The following DLG2 variants were observed in gnomAD, a reference collection of about 807,000 sequenced individuals.
The protein encoded by DLG2 is disks large homolog 2.
A neutral mutation model predicts 132.5 loss-of-function variants in DLG2; 45 were observed. The observed-to-expected ratio is 0.34, with a 90% CI of 0.27 to 0.44. The LOEUF (loss-of-function observed/expected upper bound fraction) is 0.44, where lower values mean the gene tolerates loss of function less well. DLG2 is among the 20% of genes least tolerant of loss of function. DLG2 has a pLI of 1.00. For missense variants in DLG2, 1,045 were observed against 1,196.9 expected (o/e 0.87, Z 1.87); for synonymous variants, 424 against 419.6 (o/e 1.01, Z -0.13).
intron 14 of DLG2, among the ~76,000 whole-genome samples, chr11:83,945,991 CTCT>C (rs375226186): frequency 0.075 from 8,678 of 115,820 alleles, 226 homozygotes; most frequent in Non-Finnish European, 0.1. Context: ...TTCTCTCTCT[CTCT>C]TTTTTTTTTT....
chr11:85,604,664 AG>A (rs752429997), intron 2 of DLG2, among the ~76,000 whole-genome samples: 2 of 151,974 alleles, frequency 1.3e-5, no homozygotes, highest in Non-Finnish European at 2.9e-5. Flanking sequence ...GGATTACTTG[AG>A]GGCAGGCACA....
At chr11:83,544,953 G>A (rs1189845903) in intron 19 of DLG2, among the ~76,000 whole-genome samples, 1 of 152,124 alleles carries the variant, frequency 6.6e-6, no homozygotes, top group African/African-American at 2.4e-5. Context: ...CTTCCCTTCA[G>A]GGCTGACAAC....
intron 3 of DLG2, among the ~76,000 whole-genome samples, chr11:85,370,667 C>A (rs1302964477): frequency 1.3e-5 from 2 of 152,126 alleles, no homozygotes; most frequent in African/African-American, 4.8e-5. Context: ...GTATTTTACA[C>A]CTCAAACATT....
At chr11:84,746,080 A>G (rs1597177140) in intron 6 of DLG2, among the ~76,000 whole-genome samples, 1 of 152,130 alleles carries the variant, frequency 6.6e-6, no homozygotes, top group East Asian at 1.9e-4. Context: ...TTCTACTCTC[A>G]GGGAGCTTAG....
intron 19 of DLG2, among the ~76,000 whole-genome samples, chr11:83,574,032 T>C (rs1437703419): frequency 6.6e-6 from 1 of 152,130 alleles, no homozygotes; most frequent in Non-Finnish European, 1.5e-5. Flanking sequence ...TGGGGTAATA[T>C]ATAAAAGCAT....
At chr11:83,885,038 G>A (rs61900052) in intron 15 of DLG2, among the ~76,000 whole-genome samples, 13,391 of 152,232 alleles carry the variant, frequency 0.088, 781 homozygotes, top group Middle Eastern at 0.19. Context: ...AAAGCAGAGC[G>A]CCTCTCCTCC....
intron 18 of DLG2, among the ~76,000 whole-genome samples, chr11:83,661,851 A>G (rs1242109024): frequency 6.6e-6 from 1 of 152,224 alleles, no homozygotes; most frequent in Non-Finnish European, 1.5e-5. Flanking sequence ...TATGAAGGTG[A>G]CTGACAAAGC....
chr11:85,481,279 G>C (rs1473894688), intron 3 of DLG2, among the ~76,000 whole-genome samples: 1 of 152,182 alleles, frequency 6.6e-6, no homozygotes, highest in Admixed American at 6.5e-5. Flanking sequence ...AAGTGTTATT[G>C]AGTATCAGCA....
intron 7 of DLG2, among the ~76,000 whole-genome samples, chr11:84,361,015 T>C (rs2098646749): frequency 6.6e-6 from 1 of 151,668 alleles, no homozygotes. Flanking sequence ...CAGATTAAGA[T>C]GCTGCAAAAG....
intron 7 of DLG2, among the ~76,000 whole-genome samples, chr11:84,481,130 CTAGGATACTGT>C (rs937190136): frequency 1.6e-4 from 24 of 152,178 alleles, no homozygotes; most frequent in African/African-American, 4.6e-4. Context: ...AGAACAAGGC[CTAGGATACTGT>C]TAGCGCTCAA....
intron 7 of DLG2, among the ~76,000 whole-genome samples, chr11:84,516,092 T>C (rs2099272031): frequency 6.6e-6 from 1 of 150,800 alleles, no homozygotes. Flanking sequence ...AAATTGGTTT[T>C]AAGAGGCAAG....
intron 6 of DLG2, among the ~76,000 whole-genome samples, chr11:84,536,092 A>G (rs1330974445): frequency 3.3e-5 from 5 of 152,148 alleles, no homozygotes; most frequent in African/African-American, 1.2e-4. Flanking sequence ...TTACACTTAT[A>G]CTTTCTGGGG....
intron 4 of DLG2, among the ~76,000 whole-genome samples, chr11:85,235,041 A>C (rs2075509021): frequency 1.3e-5 from 2 of 152,024 alleles, no homozygotes; most frequent in South Asian, 4.1e-4. Flanking sequence ...AATTTAAGGA[A>C]GACAATATTT....
chr11:85,030,378 T>C (rs2060905224), intron 6 of DLG2, among the ~76,000 whole-genome samples: 1 of 152,216 alleles, frequency 6.6e-6, no homozygotes, highest in Non-Finnish European at 1.5e-5. Context: ...CTTCTTGGAA[T>C]TGCTTTTTCT....
At chr11:84,644,563 G>A (rs1014889679) in intron 6 of DLG2, among the ~76,000 whole-genome samples, 8 of 151,922 alleles carry the variant, frequency 5.3e-5, no homozygotes, top group African/African-American at 1.2e-4. Flanking sequence ...AAAATTAGCC[G>A]GGCGTGGTGG....
At chr11:83,781,611 G>A (rs1004317764) in intron 18 of DLG2, among the ~76,000 whole-genome samples, 5 of 152,084 alleles carry the variant, frequency 3.3e-5, no homozygotes, top group South Asian at 4.1e-4. Context: ...TACCATCCAC[G>A]ACTTCTTTTC....
At chr11:85,383,435 T>C (rs2086066310) in intron 3 of DLG2, among the ~76,000 whole-genome samples, 1 of 152,186 alleles carries the variant, frequency 6.6e-6, no homozygotes, top group South Asian at 2.1e-4. Context: ...CTGAATTGTG[T>C]ACTTTAAAGG....
intron 10 of DLG2, among the ~76,000 whole-genome samples, chr11:84,083,623 G>T (rs1258083415): frequency 6.6e-6 from 1 of 152,128 alleles, no homozygotes; most frequent in African/African-American, 2.4e-5. Flanking sequence ...TATAAAGCAA[G>T]TCTGGCCTAT....
At chr11:84,534,135 A>G (rs558157611) in intron 7 of DLG2, among the ~76,000 whole-genome samples, 32 of 152,306 alleles carry the variant, frequency 2.1e-4, no homozygotes, top group African/African-American at 7.5e-4. Flanking sequence ...AGAGGAATTG[A>G]TTAGACAATT....
Sources: gnomAD v4.1 joint callset for allele counts (sites outside exome capture counted in the v4.1 genomes callset) on GRCh38, gnomAD v4.1.1 for gene constraint, MANE v1.5 for transcripts, NCBI Gene and HGNC (gene_info 2026-07-23, HGNC 2026-07-21) for gene names.